PCDH7: variants seen among roughly 807,000 people sequenced by gnomAD.
PCDH7 encodes the protein protocadherin 7.
Under a neutral mutation model 58.9 loss-of-function variants are expected in PCDH7, and 17 were observed. The observed-to-expected ratio is 0.29, with a 90% confidence interval of 0.20 to 0.43. PCDH7 has a LOEUF of 0.43. Among genes scored for constraint, PCDH7 ranks in the 20% least tolerant of loss-of-function variants. The pLI is 1.00. For synonymous variants in PCDH7, 664 were observed against 616.4 expected, an observed-to-expected ratio of 1.08 and a Z score of -1.14; for missense variants, 1,274 against 1,441.0, an observed-to-expected ratio of 0.88 and a Z score of 1.88.
chr4:30,786,764 T>C (rs559276082), intron 1 of PCDH7: 18 of 983,278 alleles, frequency 1.8e-5, no homozygotes, highest in Middle Eastern at 5.2e-4. Context: ...TCTGGCCACA[T>C]TGAGGAATCG....
At chr4:31,089,437 T>G (rs1712934506) in intron 3 of PCDH7, among the ~76,000 whole-genome samples, 1 of 152,028 alleles carries the variant, frequency 6.6e-6, no homozygotes, top group South Asian at 2.1e-4. Flanking sequence ...TTTTTTTAAT[T>G]TTTCTTGGCA....
At chr4:30,794,806 A>G (rs960552535) in intron 1 of PCDH7, among the ~76,000 whole-genome samples, 4 of 152,148 alleles carry the variant, frequency 2.6e-5, no homozygotes, top group African/African-American at 9.6e-5. Context: ...TGATAAAAAA[A>G]TCCAATAGAC....
intron 3 of PCDH7, among the ~76,000 whole-genome samples, chr4:31,075,964 A>G (rs1758957362): frequency 6.6e-6 from 1 of 152,184 alleles, no homozygotes; most frequent in Non-Finnish European, 1.5e-5. Flanking sequence ...TGTAGGTATA[A>G]GACCAGTTTT....
chr4:31,002,014 T>G (rs4261944), intron 3 of PCDH7, among the ~76,000 whole-genome samples: 81,415 of 152,082 alleles, frequency 0.54, 25,627 homozygotes, highest in African/African-American at 0.87. Flanking sequence ...GAGCCAATGT[T>G]ATAGAATGTA....
At chr4:31,032,027 T>A (rs1368862705) in intron 3 of PCDH7, among the ~76,000 whole-genome samples, 2 of 152,358 alleles carry the variant, frequency 1.3e-5, no homozygotes, top group East Asian at 3.9e-4. Context: ...ATAGAGCTAC[T>A]TATTTTATTT....
intron 1 of PCDH7, among the ~76,000 whole-genome samples, chr4:30,851,610 A>G (rs954248617): frequency 6.6e-6 from 1 of 152,084 alleles, no homozygotes; most frequent in African/African-American, 2.4e-5. Context: ...TTGTAACTGT[A>G]TGACCAAAAT....
At chr4:30,805,210 T>A (rs754095301) in intron 1 of PCDH7, among the ~76,000 whole-genome samples, 2 of 152,182 alleles carry the variant, frequency 1.3e-5, no homozygotes, top group Admixed American at 6.5e-5. Context: ...TGTATCACCA[T>A]CCCGGACTTC....
At chr4:31,030,745 G>T (rs1754836055) in intron 3 of PCDH7, among the ~76,000 whole-genome samples, 1 of 151,188 alleles carries the variant, frequency 6.6e-6, no homozygotes, top group Admixed American at 6.6e-5. Context: ...TTACTCTCCA[G>T]TTTCAAGCAA....
chr4:30,799,737 T>G (rs1725280099), intron 1 of PCDH7, among the ~76,000 whole-genome samples: 1 of 152,186 alleles, frequency 6.6e-6, no homozygotes, highest in Non-Finnish European at 1.5e-5. Context: ...TAAAATTCAC[T>G]TAGAAATCAA....
intron 1 of PCDH7, among the ~76,000 whole-genome samples, chr4:30,889,976 A>G (rs911709486): frequency 2.0e-5 from 3 of 152,226 alleles, no homozygotes; most frequent in Admixed American, 6.5e-5. Flanking sequence ...AGGAATTGCC[A>G]GACAATTGGA....
chr4:30,780,141 G>A (rs1722594389), intron 1 of PCDH7, among the ~76,000 whole-genome samples: 1 of 152,140 alleles, frequency 6.6e-6, no homozygotes, highest in Non-Finnish European at 1.5e-5. Context: ...TACTTATATA[G>A]TGCATAGTGG....
intron 1 of PCDH7, among the ~76,000 whole-genome samples, chr4:30,830,412 AT>A (rs10717701): frequency 0.27 from 41,034 of 151,856 alleles, 6,397 homozygotes; most frequent in African/African-American, 0.43. Flanking sequence ...CCTGCTGATG[AT>A]GGATTTAGAT....
At chr4:30,873,370 G>T (rs1288340061) in intron 1 of PCDH7, among the ~76,000 whole-genome samples, 1 of 151,940 alleles carries the variant, frequency 6.6e-6, no homozygotes, top group Non-Finnish European at 1.5e-5. Flanking sequence ...ATATAAAATT[G>T]GATACAATTT....
At chr4:30,763,623 G>A (rs945342763) in intron 1 of PCDH7, among the ~76,000 whole-genome samples, 4 of 152,138 alleles carry the variant, frequency 2.6e-5, no homozygotes, top group African/African-American at 9.7e-5. Flanking sequence ...ATCCCACAGT[G>A]CTCTGTTAGC....
intron 1 of PCDH7, among the ~76,000 whole-genome samples, chr4:30,840,072 AG>A (rs1406723438): frequency 6.6e-6 from 1 of 150,682 alleles, no homozygotes; most frequent in African/African-American, 2.4e-5. Flanking sequence ...AACTGTTTGG[AG>A]GAGTAGGGGT....
At chr4:30,947,179 T>C (rs550431195) in intron 2 of PCDH7, among the ~76,000 whole-genome samples, 1 of 152,276 alleles carries the variant, frequency 6.6e-6, no homozygotes, top group African/African-American at 2.4e-5. Context: ...TCATACATTT[T>C]TCCAAGAATG....
chr4:31,140,642 C>A (rs1720141292), intron 3 of PCDH7, among the ~76,000 whole-genome samples: 1 of 149,782 alleles, frequency 6.7e-6, no homozygotes. Context: ...AAAAAGGATC[C>A]CAAAATAGGA....
Position 30,758,624 on chromosome 4 carries a change from T to G in PCDH7, c.70+34028T>G, listed in dbSNP as rs1052187689. On this transcript the variant is annotated intron_variant, in intron 1 of 3. Transcript: ENST00000509759. ...TCTCCATCTGCAATAGCATGACAGT[T>G]GTGTGAGCACTAAAGGGCAGATAGG... Among the ~76,000 whole-genome samples the G allele has an allele frequency of 5.3e-5, 8 of 152,144 alleles. No individual in the cohort carries two copies. In the South Asian group the frequency reaches 1.4e-3, roughly 28 times the overall value.
At chr4:30,932,734 T>C (rs1357120190) in intron 2 of PCDH7, among the ~76,000 whole-genome samples, 3 of 152,182 alleles carry the variant, frequency 2.0e-5, no homozygotes, top group Non-Finnish European at 4.4e-5. Flanking sequence ...CTGGGTGGTA[T>C]CTGTAAACTG....
Sources: gnomAD v4.1 joint callset for allele counts (sites outside exome capture counted in the v4.1 genomes callset) on GRCh38, gnomAD v4.1.1 for gene constraint, MANE v1.5 for transcripts, NCBI Gene and HGNC (gene_info 2026-07-23, HGNC 2026-07-21) for gene names.